The following CPD variants were observed in gnomAD, a reference collection of about 807,000 sequenced individuals.
CPD encodes the protein carboxypeptidase D.
Under a neutral mutation model 138.3 loss-of-function variants are expected in CPD, and 69 were observed. The observed-to-expected ratio is 0.50, with a 90% CI of 0.41 to 0.61. The LOEUF (loss-of-function observed/expected upper bound fraction) is 0.61. CPD is among the 20% of genes least tolerant of loss of function. The pLI, the probability that CPD is intolerant of heterozygous loss-of-function variation, is 0.00. For synonymous variants in CPD, 651 were observed against 642.1 expected (o/e 1.01, Z -0.21); for missense variants, 1,432 against 1,733.3 (o/e 0.83, Z 3.09).
chr17:30,416,108 G>A (rs758064248), intron 2 of CPD, among the ~76,000 whole-genome samples: 23 of 152,138 alleles, frequency 1.5e-4, no homozygotes, highest in African/African-American at 4.6e-4. Flanking sequence ...CAAGGCGGGC[G>A]GATCACCTGA....
At chr17:30,386,622 C>T (rs960718971) in intron 2 of CPD, among the ~76,000 whole-genome samples, 1 of 152,142 alleles carries the variant, frequency 6.6e-6, no homozygotes, top group African/African-American at 2.4e-5. Context: ...ATCCCTTACC[C>T]CCAGCCATTG....
chr17:30,466,555 ATAGT>A lies in CPD; in HGVS notation c.*1746_*1749del, dbSNP rs143769806. On this transcript the variant is annotated 3_prime_UTR_variant, in exon 21 of 21. Coordinates refer to ENST00000225719, the MANE Select transcript of CPD (RefSeq NM_001304.5). ...ATGGAACAGAGCTTGTGGGATGCTA[ATAGT>A]TAGTGAAGTATACATGATTTAATTT... is the stretch of plus-strand genomic sequence containing the variant. The A allele has an allele frequency of 0.012, 1,832 of 152,694 alleles. 68 individuals carry two copies. The East Asian group carries it at 0.15, about 13-fold the overall frequency. 9.5% of individuals were successfully genotyped at this position (152,694 alleles called of 1,614,324 possible).
chr17:30,378,975 T>A lies in CPD; in HGVS notation c.-6T>A. 1 of 1,519,870 alleles carries A rather than the reference T, an allele frequency of 6.6e-7. No homozygotes were observed. Among genetic ancestry groups the A allele is most frequent in the South Asian group, 1.2e-5 (1 of 82,216 alleles). 94.1% of individuals were successfully genotyped at this position (1,519,870 alleles called of 1,614,324 possible). ...GCGGAGCCGGGGTTAGCGGCGCTGC[T>A]GGAAGATGGCGAGCGGCCGGGACGA... On this transcript the variant is annotated 5_prime_UTR_variant, in exon 1 of 21. Transcript: ENST00000225719.
At position 30,379,860 on chromosome 17, in the gene CPD, C is replaced by T; in HGVS notation, c.746+134C>T. Reference sequence around the variant, plus strand: ...GAAGGTGAAGGGAGACACCCTGTAACGGGGACAGGGCCCAGGCCGCGTAGC... The same window carrying T: ...GAAGGTGAAGGGAGACACCCTGTAATGGGGACAGGGCCCAGGCCGCGTAGC... On this transcript the variant is annotated intron_variant, in intron 1 of 20. Transcript: ENST00000225719. The surrounding 1 kb of genome is among the most constrained non-coding windows in gnomAD (Gnocchi z 7.0). The T allele has an allele frequency of 5.1e-6, 3 of 590,292 alleles. No homozygotes were observed. Among genetic ancestry groups the T allele is most frequent in the East Asian group, 3.5e-5 (1 of 28,828 alleles). The allele number at this position is 590,292 out of a possible 1,614,324, so 36.6% of individuals were successfully genotyped here. A position where few individuals can be genotyped will look rare whatever the true frequency, so the allele number is the denominator to read the frequency against.
chr17:30,439,394 C>T (rs376300583), intron 9 of CPD, among the ~76,000 whole-genome samples: 51 of 124,602 alleles, frequency 4.1e-4, no homozygotes, highest in East Asian at 4.8e-4. Context: ...ACGTTACTTT[C>T]TTTTTTTTTT....
At position 30,427,910 on chromosome 17, in the gene CPD, T is replaced by TCC. The variant is rs1276578372; in HGVS notation, c.2017+356_2017+357dup. On this transcript the variant is annotated intron_variant, in intron 7 of 20. Coordinates refer to ENST00000225719, the MANE Select transcript of CPD (RefSeq NM_001304.5). ...TCTTTTTTCTCCTCTCCTCTCCTTC[T>TCC]CCCCCGCCTGTCCCCCTACTCTGTT... is the stretch of plus-strand genomic sequence containing the variant. Among the ~76,000 whole-genome samples the TCC allele has an allele frequency of 1.3e-4, 19 of 151,194 alleles. No homozygotes were observed. The South Asian group carries it at 3.0e-3, about 24-fold the overall frequency.
chr17:30,386,954 G>A (rs1367089257), intron 2 of CPD, among the ~76,000 whole-genome samples: 5 of 152,114 alleles, frequency 3.3e-5, no homozygotes, highest in Admixed American at 2.6e-4. Flanking sequence ...TTTTCAATTC[G>A]TCTGGATATA....
chr17:30,403,953 G>GGACC (rs1162287532), intron 2 of CPD, among the ~76,000 whole-genome samples: 1 of 150,932 alleles, frequency 6.6e-6, no homozygotes, highest in Non-Finnish European at 1.5e-5. Context: ...ATTTATATAT[G>GGACC]AAGAATATAG....
chr17:30,455,378 A>G lies in CPD; in HGVS notation c.3245A>G (p.Asn1082Ser), dbSNP rs767094903. The G allele has an allele frequency of 1.2e-6, 2 of 1,613,480 alleles. No homozygotes were observed. Among genetic ancestry groups the G allele is most frequent in the Non-Finnish European group, 1.7e-6 (2 of 1,179,776 alleles). The change falls in exon 15 of 21, where the codon AAT (asparagine) becomes AGT (serine). Residue 1082 changes from asparagine (N) to serine (S), a missense_variant. By Grantham distance (46) the Asn-to-Ser change is conservative. Around this residue, in one of 6 missense-constraint regions of CPD, gnomAD observed 366 missense variants for 518.8 expected, o/e 0.71. Coordinates refer to ENST00000225719, the MANE Select transcript of CPD (RefSeq NM_001304.5). ...CCTGAGACCAAAGCCATCATTGAAA[A>G]TTTGATTCAAAAACAGGACTTTAGT... ...SQPETKAIIE[N>S]LIQKQDFSLS...
chr17:30,395,724 T>TTAAA (rs1555606714), intron 2 of CPD, among the ~76,000 whole-genome samples: 1 of 145,138 alleles, frequency 6.9e-6, no homozygotes, highest in African/African-American at 2.5e-5. Flanking sequence ...AGAGTACATT[T>TTAAA]AAAAAAAAAA....
chr17:30,455,613 A>G, intron 15 of CPD, 143 bp downstream of exon 15: 3 of 826,476 alleles, frequency 3.6e-6, no homozygotes, highest in South Asian at 2.0e-5. Context: ...AAGATTGTAC[A>G]TACATCAGCA....
intron 1 of CPD, among the ~76,000 whole-genome samples, chr17:30,382,181 T>G (rs1182669383): frequency 6.6e-6 from 1 of 152,176 alleles, no homozygotes; most frequent in Non-Finnish European, 1.5e-5. Flanking sequence ...TGTATACATA[T>G]CTATGATTGT....
intron 2 of CPD, among the ~76,000 whole-genome samples, chr17:30,405,068 T>G (rs1247194014): frequency 6.6e-6 from 1 of 152,116 alleles, no homozygotes; most frequent in African/African-American, 2.4e-5. Flanking sequence ...TCAATCAATT[T>G]AGAAGTTTAT....
chr17:30,405,298 C>T (rs2143366027), intron 2 of CPD, among the ~76,000 whole-genome samples: 1 of 152,176 alleles, frequency 6.6e-6, no homozygotes, highest in East Asian at 1.9e-4. Flanking sequence ...AGTAAATGGG[C>T]ACTTTTCATG....
intron 15 of CPD, 58 bp from the exon 16 acceptor site, chr17:30,456,198 T>C: frequency 1.4e-6 from 2 of 1,398,710 alleles, no homozygotes; most frequent in Non-Finnish European, 2.0e-6. Flanking sequence ...GAAGGTTAAC[T>C]TGGGGGAAAA....
chr17:30,378,951 C>T lies in CPD; in HGVS notation c.-30C>T, dbSNP rs527250653. The T allele has an allele frequency of 2.4e-4, 345 of 1,431,186 alleles. No homozygotes were observed. The African/African-American group carries it at 3.9e-3, about 16-fold the overall frequency. 88.7% of individuals were successfully genotyped at this position (1,431,186 alleles called of 1,614,324 possible). ...CGCCCGGAGCGCTGAGCCGCGGGAG[C>T]GGAGCCGGGGTTAGCGGCGCTGCTG... On this transcript the variant is annotated 5_prime_UTR_variant, in exon 1 of 21. Coordinates refer to ENST00000225719, the MANE Select transcript of CPD (RefSeq NM_001304.5).
intron 2 of CPD, among the ~76,000 whole-genome samples, chr17:30,391,370 A>C (rs951916739): frequency 6.6e-6 from 1 of 152,206 alleles, no homozygotes; most frequent in African/African-American, 2.4e-5. Context: ...GTTCAAGCCC[A>C]GCCTGGGCAA....
At chr17:30,423,135 A>G in intron 5 of CPD, 112 bp downstream of exon 5, 1 of 761,342 alleles carries the variant, frequency 1.3e-6, no homozygotes, top group Non-Finnish European at 2.0e-6. Flanking sequence ...TGGCATTAAG[A>G]AAACCTAACT....
rs766718157 is a variant in CPD at position 30,438,988 on chromosome 17, T to A, written c.2141T>A (p.Met714Lys). Residue 714 changes from methionine to lysine, a missense_variant, in exon 9 of 21, where the codon ATG (methionine) becomes AAG (lysine). Coordinates refer to ENST00000225719, the MANE Select transcript of CPD (RefSeq NM_001304.5). ...TTGTTTTTCCAGGAAAATTCCCAGA[T>A]GTTTCAAGGTAGACCTTGCAAGAAT... ...ALSYSKENSQ[M>K]FQGRPCKNMY... The A allele has an allele frequency of 6.4e-7, 1 of 1,555,792 alleles. No individual in the cohort carries two copies. Among genetic ancestry groups the A allele is most frequent in the Non-Finnish European group, 8.6e-7 (1 of 1,158,834 alleles).
Sources: gnomAD v4.1 joint callset for allele counts (sites outside exome capture counted in the v4.1 genomes callset) on GRCh38, gnomAD v4.1.1 for gene constraint, gnomAD v4.1.1 regional missense constraint, Gnocchi (gnomAD v3.1) non-coding constraint, MANE v1.5 for transcripts, NCBI Gene and HGNC (gene_info 2026-07-23, HGNC 2026-07-21) for gene names.